FGFRL1: variants seen among roughly 807,000 people sequenced by gnomAD.
FGFRL1 encodes fibroblast growth factor receptor like 1, also known as fibroblast growth factor receptor-like 1.
FGFRL1 carries 24 observed loss-of-function variants against 36.8 expected under a neutral mutation model. That is an observed-to-expected ratio of 0.65 (90% CI 0.47 to 0.92). FGFRL1 has a LOEUF of 0.92. Ranked by LOEUF, FGFRL1 falls within the 40% of genes least tolerant of loss-of-function variation. The pLI, the probability that FGFRL1 is intolerant of heterozygous loss-of-function variation, is 0.00. For synonymous variants in FGFRL1, 422 were observed against 344.1 expected (o/e 1.23, Z -2.50); for missense variants, 785 against 753.4 (o/e 1.04, Z -0.49).
chr4:1,023,640 G>C lies in FGFRL1; in HGVS notation c.353-1G>C. ...CCCTGTGCACCTCCGTCTCTCTGCA[G>C]ATGACATTAGCCCAGGGAAGGAGAG... On this transcript the variant is annotated splice_acceptor_variant, in intron 3 of 6. Coordinates refer to ENST00000510644, the MANE Select transcript of FGFRL1 (RefSeq NM_001004356.3). LOFTEE classifies it high-confidence loss of function. The surrounding 1 kb of genome is among the most constrained non-coding windows in gnomAD (Gnocchi z 6.0). The C allele has an allele frequency of 6.2e-7, 1 of 1,600,452 alleles. No individual in the cohort carries two copies. The highest frequency in any genetic ancestry group is 8.5e-7 in the Non-Finnish European group (1 of 1,175,736).
At chr4:1,021,212 A>G in intron 2 of FGFRL1, among the ~76,000 whole-genome samples, 1 of 110,588 alleles carries the variant, frequency 9.0e-6, no homozygotes, top group African/African-American at 3.6e-5. Context: ...TGGGGCGGGG[A>G]CCCAGGCAGG....
chr4:1,023,372 G>A lies in FGFRL1; in HGVS notation c.353-269G>A, dbSNP rs1313697716. On this transcript the variant is annotated intron_variant, in intron 3 of 6. Transcript: ENST00000510644. This position sits in a 1 kb window ranked among gnomAD's most constrained non-coding sequence, Gnocchi z 6.0. ...GCCGGGCCCGGCTCCCTCCTCCCCC[G>A]GGGCCTGCAGACCCCCCGGAGCCAG... Among the ~76,000 whole-genome samples the A allele has an allele frequency of 1.3e-5, 2 of 152,016 alleles. No individual in the cohort carries two copies. The highest frequency in any genetic ancestry group is 2.4e-5 in the African/African-American group (1 of 41,404).
At chr4:1,022,706 C>T (rs536796616) in intron 3 of FGFRL1, among the ~76,000 whole-genome samples, 7 of 152,252 alleles carry the variant, frequency 4.6e-5, no homozygotes, top group East Asian at 1.9e-4. Flanking sequence ...TTCCTCCCAG[C>T]GGAGGGCGGA....
At chr4:1,024,267 C>A in intron 5 of FGFRL1, 44 bp from the exon 6 acceptor site, 1 of 1,540,678 alleles carries the variant, frequency 6.5e-7, no homozygotes, top group Non-Finnish European at 8.7e-7. Flanking sequence ...GGGGTAGAGT[C>A]CGGCGCGGCC....
At position 1,026,759 on chromosome 4, in the gene FGFRL1, C is replaced by T. The variant is rs1475863697; in HGVS notation, c.*1412C>T. On this transcript the variant is annotated 3_prime_UTR_variant, in exon 7 of 7. Transcript: ENST00000510644. ...GGTCTTTCAGCCATGCTGATGACCA[C>T]ACCCCGTCCAGGCCAGACACCACCC... is the stretch of plus-strand genomic sequence containing the variant. 2.3e-6 allele frequency: 1 copy of T among 442,578 alleles called. No homozygotes were observed. The highest frequency in any genetic ancestry group is 2.5e-5 in the Admixed American group (1 of 40,536). 27.4% of individuals were successfully genotyped at this position (442,578 alleles called of 1,614,324 possible). A position where few individuals can be genotyped will look rare whatever the true frequency, so the allele number is the denominator to read the frequency against.
In FGFRL1 at chr4:1,025,671, A is replaced by G; in HGVS notation, c.*324A>G. The stretch of plus-strand genomic sequence containing the variant: ...CACGCACAGAGACATGCCAGAACAT[A>G]CAAGGACATGCTGCCTGAACATACA... On this transcript the variant is annotated 3_prime_UTR_variant, in exon 7 of 7. Coordinates refer to ENST00000510644, the MANE Select transcript of FGFRL1 (RefSeq NM_001004356.3). 2 of 444,420 alleles carry G rather than the reference A, an allele frequency of 4.5e-6. No individual in the cohort carries two copies. The highest frequency in any genetic ancestry group is 4.1e-6 in the Non-Finnish European group (1 of 244,400). The allele number at this position is 444,420 out of a possible 1,614,324, so 27.5% of individuals were successfully genotyped here. A position where few individuals can be genotyped will look rare whatever the true frequency, so the allele number is the denominator to read the frequency against.
At chr4:1,019,253 GC>G (rs1716051267) in intron 2 of FGFRL1, among the ~76,000 whole-genome samples, 1 of 152,248 alleles carries the variant, frequency 6.6e-6, no homozygotes, top group Non-Finnish European at 1.5e-5. Flanking sequence ...GATGTGGGGG[GC>G]TGGGTCAGTG....
In FGFRL1 at chr4:1,024,561, G is replaced by T. The variant is rs756715366; in HGVS notation, c.969G>T (p.Leu323=). ...CCGACGGCTCCTACCTCAATAAGCT[G>T]CTCATCACCCGTGCCCGCCAGGACG... The part of the protein sequence containing the change: ...SRPDGSYLNK[L]LITRARQDDA... The change falls in exon 6 of 7, where the codon CTG becomes CTT. Residue 323 remains leucine, a synonymous_variant. Transcript: ENST00000510644. 6.2e-7 allele frequency: 1 copy of T among 1,612,478 alleles called. No homozygotes were observed. Among genetic ancestry groups the T allele is most frequent in the South Asian group, 1.1e-5 (1 of 91,088 alleles).
rs751997519 is a variant in FGFRL1, at chr4:1,022,426, C to T, written c.303C>T (p.Ala101=). 2.5e-6 allele frequency: 4 copies of T among 1,610,894 alleles called. No individual in the cohort carries two copies. Among genetic ancestry groups the T allele is most frequent in the Admixed American group, 1.7e-5 (1 of 59,878 alleles). Residue 101 remains alanine (A), a synonymous_variant, in exon 3 of 7, where the codon GCC becomes GCT. Coordinates refer to ENST00000510644, the MANE Select transcript of FGFRL1 (RefSeq NM_001004356.3). ...REDAGVYVCK[A]TNGFGSLSVN... The stretch of plus-strand genomic sequence containing the variant: ...ATGCCGGCGTGTACGTGTGCAAGGC[C>T]ACCAACGGCTTCGGCAGCCTGAGCG...
chr4:1,014,925 A>T (rs1715809035), intron 2 of FGFRL1, among the ~76,000 whole-genome samples: 1 of 152,204 alleles, frequency 6.6e-6, no homozygotes, highest in Non-Finnish European at 1.5e-5. Flanking sequence ...GGAAACGCCG[A>T]CCGCAGACTC....
At chr4:1,019,117 C>T (rs553857293) in intron 2 of FGFRL1, among the ~76,000 whole-genome samples, 1 of 152,346 alleles carries the variant, frequency 6.6e-6, no homozygotes. Context: ...CTGCACCTCC[C>T]GCATGCCTTT....
chr4:1,013,401 C>T (rs1715714084), intron 2 of FGFRL1, among the ~76,000 whole-genome samples: 1 of 152,242 alleles, frequency 6.6e-6, no homozygotes, highest in South Asian at 2.1e-4. Flanking sequence ...GCGCTGTGTC[C>T]ACCAGTCCTG....
intron 2 of FGFRL1, 66 bp from the exon 3 acceptor site, chr4:1,022,137 T>A: frequency 7.8e-7 from 1 of 1,282,084 alleles, no homozygotes; most frequent in South Asian, 1.6e-5. Flanking sequence ...GGTCCCCTTT[T>A]GACCGCCCCC....
At chr4:1,013,584 G>A (rs947381791) in intron 2 of FGFRL1, among the ~76,000 whole-genome samples, 2 of 152,264 alleles carry the variant, frequency 1.3e-5, no homozygotes, top group African/African-American at 2.4e-5. Flanking sequence ...TGCTCTGAGG[G>A]CCCGGCAGCG....
intron 2 of FGFRL1, among the ~76,000 whole-genome samples, chr4:1,018,344 C>G (rs904702704): frequency 6.7e-6 from 1 of 149,744 alleles, no homozygotes; most frequent in African/African-American, 2.5e-5. Flanking sequence ...GTGTTTTTTA[C>G]AGCTGGGCAG....
intron 5 of FGFRL1, 65 bp from the exon 6 acceptor site, chr4:1,024,229 GGGGTGCTGGTGGGCCCA>G: frequency 2.1e-6 from 3 of 1,436,032 alleles, no homozygotes; most frequent in South Asian, 1.4e-5. Flanking sequence ...TGGTGGGCTG[GGGGTGCTGGTGGGCCCA>G]GGGTGCTGGC....
At chr4:1,012,399 G>C (rs926304011) in intron 1 of FGFRL1, 71 bp from the exon 2 acceptor site, 1 of 1,545,356 alleles carries the variant, frequency 6.5e-7, no homozygotes, top group East Asian at 2.6e-5. Context: ...CCTGATCCCC[G>C]CGGCCCGGGA....
At chr4:1,021,804 C>T (rs577955960) in intron 2 of FGFRL1, among the ~76,000 whole-genome samples, 7 of 152,314 alleles carry the variant, frequency 4.6e-5, no homozygotes, top group Admixed American at 1.3e-4. Context: ...CCTCTGACCT[C>T]GGGTGTACGG....
intron 2 of FGFRL1, among the ~76,000 whole-genome samples, chr4:1,016,746 T>C (rs1715905669): frequency 6.6e-6 from 1 of 152,074 alleles, no homozygotes; most frequent in South Asian, 2.1e-4. Flanking sequence ...CAGGTGCACA[T>C]GTATGTGCCT....
Sources: allele counts gnomAD v4.1 joint callset (sites outside exome capture counted in the v4.1 genomes callset), GRCh38; gene constraint gnomAD v4.1.1; non-coding constraint Gnocchi (gnomAD v3.1); transcripts MANE v1.5; gene names NCBI Gene and HGNC (gene_info 2026-07-23, HGNC 2026-07-21).